ARMC2: variants seen among roughly 807,000 people sequenced by gnomAD.
ARMC2 encodes armadillo repeat containing 2.
Under a neutral mutation model 90.3 loss-of-function variants are expected in ARMC2, and 67 were observed. That is an observed-to-expected ratio of 0.74 (90% CI 0.61 to 0.91). ARMC2 has a LOEUF of 0.91. Among genes scored for constraint, ARMC2 ranks in the 40% least tolerant of loss-of-function variants. The pLI is 0.00. For missense variants in ARMC2, 920 were observed against 1,030.9 expected (o/e 0.89, Z 1.47); for synonymous variants, 393 against 393.0 (o/e 1.00, Z 0.00).
chr6:108,957,463 C>G (rs2128508328), intron 13 of ARMC2, among the ~76,000 whole-genome samples: 1 of 152,318 alleles, frequency 6.6e-6, no homozygotes, highest in Middle Eastern at 3.4e-3. Flanking sequence ...TGGGCTGTGA[C>G]TGTGACTATA....
chr6:108,983,906 A>T, the ARMC2 span, among the ~76,000 whole-genome samples: 1 of 152,212 alleles, frequency 6.6e-6, no homozygotes, highest in Non-Finnish European at 1.5e-5. Context: ...TCCCCAACCC[A>T]TGGGCCATGG....
chr6:108,858,329 A>G, intron 3 of ARMC2, 58 bp downstream of exon 3: 2 of 1,363,226 alleles, frequency 1.5e-6, no homozygotes, highest in Non-Finnish European at 2.1e-6. Flanking sequence ...GAAATTGGCC[A>G]AAAACACTTG....
intron 2 of ARMC2, chr6:108,856,702 C>G (rs1402134872): frequency 6.5e-6 from 1 of 153,580 alleles, no homozygotes; most frequent in African/African-American, 2.4e-5. Flanking sequence ...TATTAACATC[C>G]ACTGCACCTC....
At chr6:108,996,477 T>A in the ARMC2 span, among the ~76,000 whole-genome samples, 1 of 152,192 alleles carries the variant, frequency 6.6e-6, no homozygotes, top group South Asian at 2.1e-4. Context: ...ACTCACATTA[T>A]CTGTCACTAA....
chr6:108,855,680 A>G (rs1488524340), intron 2 of ARMC2, among the ~76,000 whole-genome samples: 2 of 152,228 alleles, frequency 1.3e-5, no homozygotes, highest in East Asian at 3.9e-4. Flanking sequence ...CCTTCCCACC[A>G]GCAATGAATG....
At chr6:108,881,763 G>A (rs1253671209) in intron 5 of ARMC2, among the ~76,000 whole-genome samples, 1 of 152,154 alleles carries the variant, frequency 6.6e-6, no homozygotes, top group African/African-American at 2.4e-5. Context: ...CCCAGCATGT[G>A]AAAGGGCTTT....
At chr6:108,856,652 A>T (rs114803902) in intron 2 of ARMC2, 1,845 of 170,412 alleles carry the variant, frequency 0.011, 35 homozygotes, top group African/African-American at 0.042. Flanking sequence ...TGCTAGGCTG[A>T]CCTGGATGAG....
intron 4 of ARMC2, among the ~76,000 whole-genome samples, chr6:108,871,173 A>G (rs1257660664): frequency 6.6e-6 from 1 of 152,042 alleles, no homozygotes; most frequent in African/African-American, 2.4e-5. Context: ...CAGTGGCTGG[A>G]AAGTGGCTGA....
chr6:108,967,421 G>A (rs1197389191), intron 17 of ARMC2, among the ~76,000 whole-genome samples: 2 of 152,172 alleles, frequency 1.3e-5, no homozygotes, highest in Non-Finnish European at 2.9e-5. Context: ...GGATCAGAAG[G>A]AGGTGTGGGC....
At chr6:108,866,787 A>G (rs1363733901) in intron 3 of ARMC2, among the ~76,000 whole-genome samples, 3 of 152,140 alleles carry the variant, frequency 2.0e-5, no homozygotes, top group Non-Finnish European at 4.4e-5. Context: ...TGTTAGAAAA[A>G]TGTGTCTTTA....
intron 8 of ARMC2, among the ~76,000 whole-genome samples, chr6:108,909,614 C>G (rs769879412): frequency 1.3e-5 from 2 of 152,190 alleles, no homozygotes; most frequent in Non-Finnish European, 2.9e-5. Context: ...CGGCTCACTG[C>G]AACCTCCGCC....
chr6:108,912,935 G>A (rs2128473054), intron 10 of ARMC2, among the ~76,000 whole-genome samples: 1 of 152,306 alleles, frequency 6.6e-6, no homozygotes. Context: ...ATGATTGGTA[G>A]CTAATGTCAT....
intron 10 of ARMC2, among the ~76,000 whole-genome samples, chr6:108,926,356 C>T (rs1462602068): frequency 6.6e-6 from 1 of 152,126 alleles, no homozygotes; most frequent in African/African-American, 2.4e-5. Context: ...CAGGTGGAAA[C>T]GGGGTCAGAT....
chr6:108,938,407 C>T (rs1276307196), intron 12 of ARMC2, among the ~76,000 whole-genome samples: 1 of 142,852 alleles, frequency 7.0e-6, no homozygotes, highest in African/African-American at 2.5e-5. Context: ...TGCCACCACA[C>T]CTGGCTAATT....
chr6:108,869,140 A>G (rs980690259), intron 4 of ARMC2, 145 bp downstream of exon 4: 3 of 863,860 alleles, frequency 3.5e-6, no homozygotes, highest in African/African-American at 3.5e-5. Context: ...AAAGCTGGCT[A>G]AGAAACATTG....
the ARMC2 span, among the ~76,000 whole-genome samples, chr6:109,017,169 C>G: frequency 6.6e-6 from 1 of 152,096 alleles, no homozygotes; most frequent in Non-Finnish European, 1.5e-5. Context: ...CTTTAAGGCT[C>G]TATTTGGCAT....
intron 10 of ARMC2, among the ~76,000 whole-genome samples, chr6:108,923,663 G>T (rs995428072): frequency 6.8e-6 from 1 of 147,532 alleles, no homozygotes; most frequent in Non-Finnish European, 1.5e-5. Context: ...AAGGCCACTG[G>T]TCTGAGCATT....
At chr6:108,867,087 A>T (rs1775894659) in intron 3 of ARMC2, among the ~76,000 whole-genome samples, 1 of 152,150 alleles carries the variant, frequency 6.6e-6, no homozygotes, top group Non-Finnish European at 1.5e-5. Flanking sequence ...ATAGTGACTC[A>T]CTCATTCACA....
chr6:108,884,979 T>C (rs1777939970), intron 5 of ARMC2, among the ~76,000 whole-genome samples: 1 of 152,176 alleles, frequency 6.6e-6, no homozygotes, highest in Non-Finnish European at 1.5e-5. Context: ...CACTGCTCCC[T>C]GTACTGAACG....
Sources: allele counts gnomAD v4.1 joint callset (sites outside exome capture counted in the v4.1 genomes callset), GRCh38; gene constraint gnomAD v4.1.1; transcripts MANE v1.5; gene names NCBI Gene and HGNC (gene_info 2026-07-23, HGNC 2026-07-21).